Variants in NOS1AP observed in about 807,000 individuals in gnomAD.
NOS1AP encodes carboxyl-terminal PDZ ligand of neuronal nitric oxide synthase protein.
NOS1AP carries 21 observed loss-of-function variants against 56.2 expected under a neutral mutation model. The observed-to-expected ratio is 0.37, with a 90% CI of 0.26 to 0.54. The LOEUF (loss-of-function observed/expected upper bound fraction) is 0.54, where lower values mean the gene tolerates loss of function less well. NOS1AP is among the 20% of genes least tolerant of loss of function. NOS1AP has a pLI of 0.84. For synonymous variants in NOS1AP, 270 were observed against 274.6 expected (o/e 0.98, Z 0.17); for missense variants, 522 against 657.8 (o/e 0.79, Z 2.26).
At chr1:162,142,799 G>A (rs1571057486) in intron 1 of NOS1AP, among the ~76,000 whole-genome samples, 1 of 152,184 alleles carries the variant, frequency 6.6e-6, no homozygotes, top group Non-Finnish European at 1.5e-5. Context: ...TAACTTACAC[G>A]TTAAGTGATG....
chr1:162,162,507 T>A (rs915430909), intron 2 of NOS1AP, among the ~76,000 whole-genome samples: 9 of 152,168 alleles, frequency 5.9e-5, no homozygotes, highest in African/African-American at 2.2e-4. Context: ...GACTGTACCA[T>A]CCTGGCTGTC....
intron 2 of NOS1AP, among the ~76,000 whole-genome samples, chr1:162,166,111 C>T (rs1030817948): frequency 3.3e-5 from 5 of 152,150 alleles, no homozygotes; most frequent in African/African-American, 1.2e-4. Context: ...TCAATCGTGT[C>T]TCTCCCTATT....
intron 2 of NOS1AP, among the ~76,000 whole-genome samples, chr1:162,221,996 T>G (rs1479410062): frequency 6.6e-6 from 1 of 152,238 alleles, no homozygotes; most frequent in Non-Finnish European, 1.5e-5. Context: ...ATTTGTGTCT[T>G]AAAAATTATT....
chr1:162,081,153 T>C (rs1691877082), intron 1 of NOS1AP, among the ~76,000 whole-genome samples: 2 of 152,206 alleles, frequency 1.3e-5, no homozygotes. Flanking sequence ...AATTTAATCT[T>C]TACAGTGGCC....
At chr1:162,107,932 A>T (rs12081556) in intron 1 of NOS1AP, among the ~76,000 whole-genome samples, 3,974 of 151,874 alleles carry the variant, frequency 0.026, 161 homozygotes, top group African/African-American at 0.09. Flanking sequence ...TATTTATAGG[A>T]GGAAGGAAAC....
intron 2 of NOS1AP, among the ~76,000 whole-genome samples, chr1:162,227,985 G>A (rs925173397): frequency 7.2e-5 from 11 of 152,214 alleles, no homozygotes; most frequent in African/African-American, 2.4e-4. Flanking sequence ...AAAATAGAAG[G>A]TTGTTAAATA....
chr1:162,154,352 T>C, intron 1 of NOS1AP, 53 bp from the exon 2 acceptor site: 5 of 1,546,360 alleles, frequency 3.2e-6, no homozygotes, highest in African/African-American at 1.4e-5. Flanking sequence ...CTTTCTGGGA[T>C]TAGGGACACT....
chr1:162,289,281 CCTT>C (rs1301843139), intron 3 of NOS1AP, among the ~76,000 whole-genome samples: 1 of 28,354 alleles, frequency 3.5e-5, no homozygotes, highest in Non-Finnish European at 8.8e-5. Flanking sequence ...TCCTTCCTTT[CCTT>C]CCTTCCTTCT....
intron 2 of NOS1AP, among the ~76,000 whole-genome samples, chr1:162,241,885 A>G (rs1010022941): frequency 4.6e-5 from 7 of 152,188 alleles, no homozygotes; most frequent in South Asian, 2.1e-4. Context: ...TTTTTCAGCA[A>G]CCCTGGGAAA....
chr1:162,302,459 C>T (rs16859958), intron 4 of NOS1AP, among the ~76,000 whole-genome samples: 2,526 of 152,244 alleles, frequency 0.017, 63 homozygotes, highest in African/African-American at 0.057. Context: ...AATGGGCAGG[C>T]ACCTATGATA....
intron 4 of NOS1AP, among the ~76,000 whole-genome samples, chr1:162,316,290 C>T (rs1190751018): frequency 1.3e-5 from 2 of 152,326 alleles, no homozygotes; most frequent in South Asian, 2.1e-4. Context: ...AAGACAGCAT[C>T]GCAGTTGAGA....
chr1:162,279,590 T>G (rs1316509128), intron 2 of NOS1AP, among the ~76,000 whole-genome samples: 1 of 152,252 alleles, frequency 6.6e-6, no homozygotes, highest in Non-Finnish European at 1.5e-5. Context: ...TTTTCTGTCC[T>G]CACTGGTATT....
intron 1 of NOS1AP, among the ~76,000 whole-genome samples, chr1:162,099,467 G>T (rs1227379150): frequency 6.6e-6 from 1 of 152,170 alleles, no homozygotes; most frequent in African/African-American, 2.4e-5. Context: ...GATTATAGGT[G>T]TGAGCCACTG....
intron 4 of NOS1AP, among the ~76,000 whole-genome samples, chr1:162,325,792 A>G (rs1656570554): frequency 6.6e-6 from 1 of 151,716 alleles, no homozygotes; most frequent in African/African-American, 2.4e-5. Flanking sequence ...TATCTTTATC[A>G]GCTGGTTTCA....
chr1:162,110,698 A>G (rs1387819523), intron 1 of NOS1AP, among the ~76,000 whole-genome samples: 1 of 152,260 alleles, frequency 6.6e-6, no homozygotes. Flanking sequence ...AGTTCAATTT[A>G]GTACTCACTG....
chr1:162,220,126 C>T (rs1652720632), intron 2 of NOS1AP, among the ~76,000 whole-genome samples: 1 of 152,132 alleles, frequency 6.6e-6, no homozygotes, highest in Admixed American at 6.5e-5. Flanking sequence ...GAGATAGAGT[C>T]CAACTATGTT....
chr1:162,102,874 A>G (rs552563135), intron 1 of NOS1AP, among the ~76,000 whole-genome samples: 17 of 152,130 alleles, frequency 1.1e-4, no homozygotes, highest in African/African-American at 3.9e-4. Flanking sequence ...AATTTTTTCA[A>G]AAAACCAGCT....
At chr1:162,311,491 G>A (rs1394775702) in intron 4 of NOS1AP, among the ~76,000 whole-genome samples, 1 of 152,066 alleles carries the variant, frequency 6.6e-6, no homozygotes, top group Non-Finnish European at 1.5e-5. Context: ...ATCATTGGAG[G>A]CATGGTGGCT....
At chr1:162,230,498 T>A (rs1653087825) in intron 2 of NOS1AP, among the ~76,000 whole-genome samples, 1 of 152,222 alleles carries the variant, frequency 6.6e-6, no homozygotes, top group Non-Finnish European at 1.5e-5. Context: ...AAGAATCTGG[T>A]GATACTAATT....
Sources: gnomAD v4.1 joint callset for allele counts (sites outside exome capture counted in the v4.1 genomes callset) on GRCh38, gnomAD v4.1.1 for gene constraint, MANE v1.5 for transcripts, NCBI Gene and HGNC (gene_info 2026-07-23, HGNC 2026-07-21) for gene names.